The following CAMSAP2 variants were observed in gnomAD, a reference collection of about 807,000 sequenced individuals.
The protein encoded by CAMSAP2 is calmodulin regulated spectrin associated protein family member 2.
Under a neutral mutation model 146.1 loss-of-function variants are expected in CAMSAP2, and 26 were observed. That is an observed-to-expected ratio of 0.18 (90% CI 0.13 to 0.25). CAMSAP2 has a LOEUF of 0.25. Ranked by LOEUF, CAMSAP2 falls within the 10% of genes least tolerant of loss-of-function variation. The probability of loss-of-function intolerance (pLI) is 1.00; values close to 1 mark genes in which losing one functional copy is unlikely to be tolerated. For synonymous variants in CAMSAP2, 499 were observed against 596.6 expected, an observed-to-expected ratio of 0.84 and a Z score of 2.38; for missense variants, 1,381 against 1,759.3, an observed-to-expected ratio of 0.78 and a Z score of 3.85.
In CAMSAP2 at chr1:200,848,818, A is replaced by G; in HGVS notation, c.2049A>G (p.Gly683=). 1 of 1,614,166 alleles carries G rather than the reference A, an allele frequency of 6.2e-7. No homozygotes were observed. The highest frequency in any genetic ancestry group is 1.1e-5 in the South Asian group (1 of 91,084). Residue 683 remains glycine, a synonymous_variant, in exon 11 of 17, where the codon GGA becomes GGG. Coordinates refer to ENST00000358823, the MANE Select transcript of CAMSAP2 (RefSeq NM_203459.4). The part of the protein sequence containing the change: ...QPGSSASSSS[G]VKMTSFAEQK... ...GCAGCAGTGCTTCTTCTAGTTCTGG[A>G]GTTAAAATGACCAGCTTTGCTGAAC...
chr1:200,811,560 T>G (rs907005594), intron 3 of CAMSAP2, among the ~76,000 whole-genome samples: 3 of 152,162 alleles, frequency 2.0e-5, no homozygotes, highest in Admixed American at 6.6e-5. Flanking sequence ...GTTGAATTCT[T>G]TCTTGCTTCT....
intron 1 of CAMSAP2, among the ~76,000 whole-genome samples, chr1:200,746,862 C>A (rs893719234): frequency 2.6e-5 from 4 of 151,932 alleles, no homozygotes; most frequent in African/African-American, 9.7e-5. Context: ...TCGTGATCTG[C>A]CCCCCTCGGC....
chr1:200,761,308 A>G (rs1664794380), intron 2 of CAMSAP2, among the ~76,000 whole-genome samples: 2 of 152,216 alleles, frequency 1.3e-5, no homozygotes, highest in Non-Finnish European at 2.9e-5. Flanking sequence ...CCTTGGAGAA[A>G]CAACTACATA....
chr1:200,829,556 G>A (rs1664754660), intron 4 of CAMSAP2, among the ~76,000 whole-genome samples: 2 of 152,260 alleles, frequency 1.3e-5, no homozygotes, highest in African/African-American at 4.8e-5. Context: ...TGATCTTTCA[G>A]ATTTAAATAT....
At chr1:200,836,275 G>A (rs1427134633) in intron 6 of CAMSAP2, among the ~76,000 whole-genome samples, 1 of 151,974 alleles carries the variant, frequency 6.6e-6, no homozygotes, top group African/African-American at 2.4e-5. Flanking sequence ...TCCACTCGTG[G>A]ATAGTTTGCA....
Position 200,832,366 on chromosome 1 carries a change from T to C in CAMSAP2, c.787+25T>C. 3 of 1,598,056 alleles carry C rather than the reference T, an allele frequency of 1.9e-6. No homozygotes were observed. Among genetic ancestry groups the C allele is most frequent in the Non-Finnish European group, 2.6e-6 (3 of 1,172,560 alleles). On this transcript the variant is annotated intron_variant, in intron 5 of 16. Transcript: ENST00000358823. This position sits in a 1 kb window ranked among gnomAD's most constrained non-coding sequence, Gnocchi z 4.2. The stretch of plus-strand genomic sequence containing the variant: ...GGTAAGTGTTCCATTGTAATACTTC[T>C]GAACTGTAGACAGATAGTAACCAAT...
Position 200,807,475 on chromosome 1 carries a change from T to G in CAMSAP2, c.499T>G (p.Phe167Val). The change falls in exon 3 of 17, where the codon TTT (phenylalanine) becomes GTT (valine). Residue 167 changes from phenylalanine (F) to valine (V), a missense_variant. Around this residue, in one of 4 missense-constraint regions of CAMSAP2, gnomAD observed 284 missense variants for 406.9 expected, o/e 0.70. Coordinates refer to ENST00000358823, the MANE Select transcript of CAMSAP2 (RefSeq NM_203459.4). ...VIACAQQYSA[F>V]FQATDLPYDI... is the part of the protein sequence containing the mutation. Reference sequence around the variant, plus strand: ...TGCGTGTGCTCAGCAGTATTCAGCTTTTTTTCAAGCCACAGATCTGCCCTA... The same window carrying G: ...TGCGTGTGCTCAGCAGTATTCAGCTGTTTTTCAAGCCACAGATCTGCCCTA... 1.9e-6 allele frequency: 3 copies of G among 1,613,590 alleles called. No homozygotes were observed. The highest frequency in any genetic ancestry group is 2.5e-6 in the Non-Finnish European group (3 of 1,179,728).
intron 1 of CAMSAP2, among the ~76,000 whole-genome samples, chr1:200,750,196 A>G (rs768114986): frequency 8.5e-5 from 13 of 152,180 alleles, no homozygotes; most frequent in Non-Finnish European, 1.5e-4. Flanking sequence ...GGTTGCCTGA[A>G]CTAGGGAGAA....
At chr1:200,841,099 G>C (rs564151055) in intron 6 of CAMSAP2, among the ~76,000 whole-genome samples, 1 of 152,160 alleles carries the variant, frequency 6.6e-6, no homozygotes, top group South Asian at 2.1e-4. Flanking sequence ...TTGACTTATT[G>C]ATAACTTTTC....
At chr1:200,821,773 A>G (rs575613732) in intron 4 of CAMSAP2, among the ~76,000 whole-genome samples, 1 of 152,288 alleles carries the variant, frequency 6.6e-6, no homozygotes. Flanking sequence ...TTATTAACTC[A>G]TTTATTATAG....
chr1:200,855,950 C>A, intron 14 of CAMSAP2, 60 bp from the exon 15 acceptor site: 1 of 1,106,526 alleles, frequency 9.0e-7, no homozygotes, highest in Non-Finnish European at 1.4e-6. Flanking sequence ...TTCACGTATA[C>A]CCTCTGGGCC....
intron 4 of CAMSAP2, among the ~76,000 whole-genome samples, chr1:200,822,139 TACACACACACACAC>T (rs150135269): frequency 4.1e-5 from 6 of 146,228 alleles, no homozygotes; most frequent in South Asian, 2.2e-4. Context: ...TCTCTCGCTC[TACACACACACACAC>T]ACACACACAC....
Position 200,817,189 on chromosome 1 carries a change from C to CACACATACACACAT in CAMSAP2, c.645+1546_645+1547insCACATACACACATA, listed in dbSNP as rs1437563207. 1.5e-3 allele frequency among the ~76,000 whole-genome samples: 165 copies of CACACATACACACAT among 112,024 alleles called. 1 individual carries two copies. Among genetic ancestry groups the CACACATACACACAT allele is most frequent in the Non-Finnish European group, 2.1e-3 (106 of 51,396 alleles). 73.5% of individuals were successfully genotyped at this position (112,024 alleles called of 152,430 possible). A position where few individuals can be genotyped will look rare whatever the true frequency, so the allele number is the denominator to read the frequency against. On this transcript the variant is annotated intron_variant, in intron 4 of 16. Coordinates refer to ENST00000358823, the MANE Select transcript of CAMSAP2 (RefSeq NM_203459.4). ...ACGTGTGTGTATATACACACACACA[C>CACACATACACACAT]ATGTGTGTGTGTATACACACATACA...
chr1:200,840,848 A>C (rs901665757), intron 6 of CAMSAP2, among the ~76,000 whole-genome samples: 4 of 152,200 alleles, frequency 2.6e-5, no homozygotes, highest in Admixed American at 2.6e-4. Flanking sequence ...CAAACACCCA[A>C]AATTTAGAAA....
chr1:200,809,700 C>T (rs561884710), intron 3 of CAMSAP2, among the ~76,000 whole-genome samples: 42 of 152,272 alleles, frequency 2.8e-4, no homozygotes, highest in African/African-American at 6.3e-4. Context: ...CAGTGCACTC[C>T]GGCCTGGGTG....
At chr1:200,825,643 A>G (rs1007983085) in intron 4 of CAMSAP2, among the ~76,000 whole-genome samples, 8 of 151,854 alleles carry the variant, frequency 5.3e-5, no homozygotes, top group Admixed American at 1.3e-4. Context: ...AGTAACTGGT[A>G]CTACAGGCGA....
chr1:200,815,752 GGT>G (rs1267207290), intron 4 of CAMSAP2, 108 bp downstream of exon 4: 3 of 499,568 alleles, frequency 6.0e-6, no homozygotes, highest in Non-Finnish European at 1.0e-5. Flanking sequence ...ATTTTTTAGT[GGT>G]GTTAACTGTA....
chr1:200,761,675 C>T (rs533672531), intron 2 of CAMSAP2, among the ~76,000 whole-genome samples: 24 of 148,750 alleles, frequency 1.6e-4, no homozygotes, highest in South Asian at 1.3e-3. Context: ...GTGGAGGTTG[C>T]GGTAAGCTGA....
At chr1:200,756,327 C>G (rs181487863) in intron 1 of CAMSAP2, among the ~76,000 whole-genome samples, 1 of 152,124 alleles carries the variant, frequency 6.6e-6, no homozygotes, top group African/African-American at 2.4e-5. Flanking sequence ...GTGGCACATA[C>G]CTGTAGTCCC....
Sources: gnomAD v4.1 joint callset for allele counts (sites outside exome capture counted in the v4.1 genomes callset) on GRCh38, gnomAD v4.1.1 for gene constraint, gnomAD v4.1.1 regional missense constraint, Gnocchi (gnomAD v3.1) non-coding constraint, MANE v1.5 for transcripts, NCBI Gene and HGNC (gene_info 2026-07-23, HGNC 2026-07-21) for gene names.